Variants in MRC2 observed in about 807,000 individuals in gnomAD.
MRC2 encodes C-type mannose receptor 2.
In MRC2, 84 loss-of-function variants were observed where a neutral mutation model predicts 206.2. The ratio of observed to expected loss-of-function variants is 0.41; its 90% CI spans 0.34 to 0.49. The LOEUF is 0.49. Among genes scored for constraint, MRC2 ranks in the 20% least tolerant of loss-of-function variants. MRC2 has a pLI of 0.31. For synonymous variants in MRC2, 798 were observed against 800.0 expected (o/e 1.00, Z 0.04); for missense variants, 1,676 against 2,001.5 (o/e 0.84, Z 3.10).
intron 1 of MRC2, among the ~76,000 whole-genome samples, chr17:62,649,981 G>A (rs1442867720): frequency 3.3e-5 from 5 of 150,784 alleles, no homozygotes; most frequent in Non-Finnish European, 7.4e-5. Context: ...TGCAACCTCC[G>A]CCTCCAGGGT....
chr17:62,631,938 A>C (rs555496664), intron 1 of MRC2, among the ~76,000 whole-genome samples: 34 of 152,148 alleles, frequency 2.2e-4, no homozygotes, highest in Admixed American at 6.5e-4. Flanking sequence ...AGACCTCCCC[A>C]CCGTGTCTCC....
At position 62,693,310 on chromosome 17, in the gene MRC2, A is replaced by C. The variant is rs1315164774; in HGVS notation, c.*859A>C. 1 of 152,472 alleles carries C rather than the reference A, an allele frequency of 6.6e-6. No individual in the cohort carries two copies. The highest frequency in any genetic ancestry group is 1.5e-5 in the Non-Finnish European group (1 of 68,140). The allele number at this position is 152,472 out of a possible 1,614,324, so 9.4% of individuals were successfully genotyped here. A position where few individuals can be genotyped will look rare whatever the true frequency, so the allele number is the denominator to read the frequency against. On this transcript the variant is annotated 3_prime_UTR_variant, in exon 30 of 30. Coordinates refer to ENST00000303375, the MANE Select transcript of MRC2 (RefSeq NM_006039.5). ...GGGTTGCCAGAGTCCTGGGGGCCCC[A>C]GAGGAGCAGGAGTCTGGGAGGGCCC...
chr17:62,682,562 A>G (rs1177106690), intron 20 of MRC2, among the ~76,000 whole-genome samples, 185 bp downstream of exon 20: 1 of 152,142 alleles, frequency 6.6e-6, no homozygotes, highest in African/African-American at 2.4e-5. Context: ...GACTCACTGT[A>G]GTAGCACCTT....
At position 62,627,901 on chromosome 17, in the gene MRC2, T is replaced by C; in HGVS notation, c.99T>C (p.Pro33=). 3 of 1,467,770 alleles carry C rather than the reference T, an allele frequency of 2.0e-6. No individual in the cohort carries two copies. Among genetic ancestry groups the C allele is most frequent in the Non-Finnish European group, 2.7e-6 (3 of 1,116,296 alleles). 90.9% of individuals were successfully genotyped at this position (1,467,770 alleles called of 1,614,324 possible). ...GCLHLGRPGA[P]GDAALPEPNV... The stretch of plus-strand genomic sequence containing the variant: ...TGCACCTCGGCCGTCCCGGCGCCCC[T>C]GGGGACGCCGCCCTCCCGGGTAAGG... Residue 33 remains proline (P), a synonymous_variant, in exon 1 of 30, where the codon CCT becomes CCC. Transcript: ENST00000303375.
At position 62,664,462 on chromosome 17, in the gene MRC2, T is replaced by C; in HGVS notation, c.119-86T>C. On this transcript the variant is annotated intron_variant, in intron 1 of 29. Transcript: ENST00000303375. The surrounding 1 kb of genome is among the most constrained non-coding windows in gnomAD (Gnocchi z 4.7). ...GGCTCACCATCCTGCACTGGGCACATGGTAGGTGCCTGTCAGCCACACCGG... is the reference window on the plus strand; with the variant it reads ...GGCTCACCATCCTGCACTGGGCACACGGTAGGTGCCTGTCAGCCACACCGG... 1 of 1,430,882 alleles carries C rather than the reference T, an allele frequency of 7.0e-7. No homozygotes were observed. Among genetic ancestry groups the C allele is most frequent in the Non-Finnish European group, 9.5e-7 (1 of 1,052,106 alleles). The allele number at this position is 1,430,882 out of a possible 1,614,324, so 88.6% of individuals were successfully genotyped here. A position where few individuals can be genotyped will look rare whatever the true frequency, so the allele number is the denominator to read the frequency against.
At chr17:62,637,295 G>A (rs2088334295) in intron 1 of MRC2, among the ~76,000 whole-genome samples, 1 of 152,180 alleles carries the variant, frequency 6.6e-6, no homozygotes, top group South Asian at 2.1e-4. Context: ...CAGCACTTTG[G>A]GAGGCTGAGG....
intron 8 of MRC2, 97 bp from the exon 9 acceptor site, chr17:62,673,966 A>G: frequency 1.1e-6 from 1 of 948,432 alleles, no homozygotes; most frequent in Non-Finnish European, 1.6e-6. Flanking sequence ...ACAGTAAGTC[A>G]GAGACAGGGC....
chr17:62,680,695 G>A lies in MRC2; in HGVS notation c.2474-105G>A, dbSNP rs1273206013. The A allele has an allele frequency of 5.2e-6, 7 of 1,356,716 alleles. No homozygotes were observed. In the East Asian group the frequency reaches 1.9e-4, roughly 38 times the overall value. 84.0% of individuals were successfully genotyped at this position (1,356,716 alleles called of 1,614,324 possible). A position where few individuals can be genotyped will look rare whatever the true frequency, so the allele number is the denominator to read the frequency against. On this transcript the variant is annotated intron_variant, in intron 16 of 29. Transcript: ENST00000303375. The surrounding 1 kb of genome is among the most constrained non-coding windows in gnomAD (Gnocchi z 4.8). ...CTGGGTCCGGTGTGCCTGCAGGCTCGCCTGCTGCCGCCTGGCTCTGCCCCG... is the reference window on the plus strand; with the variant it reads ...CTGGGTCCGGTGTGCCTGCAGGCTCACCTGCTGCCGCCTGGCTCTGCCCCG...
chr17:62,677,633 T>A lies in MRC2; in HGVS notation c.2052+147T>A, dbSNP rs2088910859. 1.0e-5 allele frequency: 7 copies of A among 668,912 alleles called. No individual in the cohort carries two copies. In the East Asian group the frequency reaches 1.7e-4, roughly 16 times the overall value. The allele number at this position is 668,912 out of a possible 1,614,324, so 41.4% of individuals were successfully genotyped here. ...TTTCTGGTGAGACTTGTCCATGGAA[T>A]CTGGAGGCCTGGTGCTCAGTAATCA... is the stretch of plus-strand genomic sequence containing the variant. On this transcript the variant is annotated intron_variant, in intron 12 of 29. Transcript: ENST00000303375.
intron 8 of MRC2, 33 bp from the exon 9 acceptor site, chr17:62,674,030 G>A (rs1009021737): frequency 1.4e-5 from 20 of 1,472,688 alleles, no homozygotes; most frequent in African/African-American, 1.3e-4. Flanking sequence ...GGGGAGGTGG[G>A]GGTTGAGATT....
At position 62,680,036 on chromosome 17, in the gene MRC2, G is replaced by A. The variant is rs1362130400; in HGVS notation, c.2298+134G>A. 6.6e-7 allele frequency: 1 copy of A among 1,509,660 alleles called. No homozygotes were observed. Among genetic ancestry groups the A allele is most frequent in the Non-Finnish European group, 9.0e-7 (1 of 1,111,678 alleles). 93.5% of individuals were successfully genotyped at this position (1,509,660 alleles called of 1,614,324 possible). A position where few individuals can be genotyped will look rare whatever the true frequency, so the allele number is the denominator to read the frequency against. On this transcript the variant is annotated intron_variant, in intron 14 of 29. Transcript: ENST00000303375. The surrounding 1 kb of genome is among the most constrained non-coding windows in gnomAD (Gnocchi z 4.8). ...AGTCGGAGCCGGCTTCAGGAAAGCA[G>A]GTCCGAGAGGGGTCACCCGGCCCCC...
chr17:62,628,812 G>A (rs1391432317), intron 1 of MRC2, among the ~76,000 whole-genome samples: 2 of 152,176 alleles, frequency 1.3e-5, no homozygotes, highest in Non-Finnish European at 2.9e-5. Flanking sequence ...CCACTTCCTG[G>A]GGGAGTGGGG....
chr17:62,660,155 G>C (rs975094874), intron 1 of MRC2, among the ~76,000 whole-genome samples: 1 of 152,206 alleles, frequency 6.6e-6, no homozygotes, highest in Non-Finnish European at 1.5e-5. Flanking sequence ...ATTAAAACCA[G>C]ACAGAGGTAG....
rs1211965822 is a variant in MRC2, at chr17:62,627,901, TG to T, written c.103del (p.Asp35ThrfsTer83). On this transcript the variant is annotated frameshift_variant, in exon 1 of 30. Transcript: ENST00000303375. LOFTEE classifies it high-confidence loss of function. ...TGCACCTCGGCCGTCCCGGCGCCCC[TG>T]GGGACGCCGCCCTCCCGGGTAAGGC... Reference protein sequence around the residue: ...CLHLGRPGAPGDAALPEPNVF... With the variant: ...CLHLGRPGAPXDAALPEPNVF... 2.0e-6 allele frequency: 3 copies of T among 1,467,762 alleles called. No individual in the cohort carries two copies. The Admixed American group carries it at 7.4e-5, about 36-fold the overall frequency. The allele number at this position is 1,467,762 out of a possible 1,614,324, so 90.9% of individuals were successfully genotyped here.
rs1568060169 is a variant in MRC2 at position 62,664,590 on chromosome 17, G to A, written c.161G>A (p.Cys54Tyr). 6.2e-7 allele frequency: 1 copy of A among 1,613,436 alleles called. No homozygotes were observed. Among genetic ancestry groups the A allele is most frequent in the Non-Finnish European group, 8.5e-7 (1 of 1,179,996 alleles). ...ATCTTCAGCCATGGACTGCAGGGCT[G>A]CCTGGAGGCCCAGGGCGGGCAGGTC... ...FLIFSHGLQGCLEAQGGQVRV... is the reference protein window; with the variant it reads ...FLIFSHGLQGYLEAQGGQVRV... The change falls in exon 2 of 30, where the codon TGC becomes TAC. Residue 54 changes from cysteine to tyrosine, a missense_variant. Physicochemically the swap from Cys to Tyr is radical, Grantham distance 194 (BLOSUM62 -2). Transcript: ENST00000303375. This position sits in a 1 kb window ranked among gnomAD's most constrained non-coding sequence, Gnocchi z 4.7.
chr17:62,664,486 G>A lies in MRC2; in HGVS notation c.119-62G>A, dbSNP rs1192894434. ...ATGGTAGGTGCCTGTCAGCCACACC[G>A]GTCATCAAGGGCCAACCAGGAGAGC... On this transcript the variant is annotated intron_variant, in intron 1 of 29. Coordinates refer to ENST00000303375, the MANE Select transcript of MRC2 (RefSeq NM_006039.5). The surrounding 1 kb of genome is among the most constrained non-coding windows in gnomAD (Gnocchi z 4.7). 1.8e-5 allele frequency: 28 copies of A among 1,535,762 alleles called. No individual in the cohort carries two copies. Among genetic ancestry groups the A allele is most frequent in the Middle Eastern group, 3.5e-4 (2 of 5,730 alleles).
intron 1 of MRC2, among the ~76,000 whole-genome samples, chr17:62,655,231 A>G (rs1465275066): frequency 6.7e-6 from 1 of 150,134 alleles, no homozygotes; most frequent in Non-Finnish European, 1.5e-5. Flanking sequence ...GCCTGCAGTG[A>G]GTGGAGATCG....
In MRC2 at chr17:62,664,549, A is replaced by G; in HGVS notation, c.120A>G (p.Glu40=). 6.2e-7 allele frequency: 1 copy of G among 1,607,688 alleles called. No individual in the cohort carries two copies. Residue 40 remains glutamate, a splice_region_variant and synonymous_variant, in exon 2 of 30, where the codon GAA becomes GAG. Coordinates refer to ENST00000303375, the MANE Select transcript of MRC2 (RefSeq NM_006039.5). This position sits in a 1 kb window ranked among gnomAD's most constrained non-coding sequence, Gnocchi z 4.7. ...TTCGTGTCTTGCCTTCCCTTCCAGA[A>G]CCCAACGTCTTCCTCATCTTCAGCC... The part of the protein sequence containing the change: ...PGAPGDAALP[E]PNVFLIFSHG...
At chr17:62,681,407 G>A (rs565690325) in intron 18 of MRC2, 12 of 543,672 alleles carry the variant, frequency 2.2e-5, no homozygotes, top group Middle Eastern at 4.9e-4. Context: ...CTCCTGTTAC[G>A]TCTGGTGTCA....
Sources: gnomAD v4.1 joint callset for allele counts (sites outside exome capture counted in the v4.1 genomes callset) on GRCh38, gnomAD v4.1.1 for gene constraint, Gnocchi (gnomAD v3.1) non-coding constraint, MANE v1.5 for transcripts, NCBI Gene and HGNC (gene_info 2026-07-23, HGNC 2026-07-21) for gene names.